The following SETDB1 variants were observed in gnomAD, a reference collection of about 807,000 sequenced individuals.
The protein encoded by SETDB1 is histone-lysine N-methyltransferase SETDB1.
SETDB1 carries 31 observed loss-of-function variants against 137.4 expected under a neutral mutation model. The ratio of observed to expected loss-of-function variants is 0.23; its 90% CI spans 0.17 to 0.30. The LOEUF is 0.30. SETDB1 is among the 10% of genes least tolerant of loss of function. The pLI, the probability that SETDB1 is intolerant of heterozygous loss-of-function variation, is 1.00. For missense variants in SETDB1, 1,113 were observed against 1,631.5 expected (o/e 0.68, Z 5.47); for synonymous variants, 548 against 579.9 (o/e 0.95, Z 0.79).
At chr1:150,952,493 C>T (rs1670519117) in intron 14 of SETDB1, among the ~76,000 whole-genome samples, 1 of 152,122 alleles carries the variant, frequency 6.6e-6, no homozygotes, top group Non-Finnish European at 1.5e-5. Context: ...TTGGCTTGAG[C>T]ATCTTAGTGG....
At chr1:150,930,870 A>G (rs1256328769) in intron 3 of SETDB1, among the ~76,000 whole-genome samples, 1 of 152,088 alleles carries the variant, frequency 6.6e-6, no homozygotes, top group Non-Finnish European at 1.5e-5. Context: ...AATTCATGCA[A>G]GTAAAGTCTG....
intron 3 of SETDB1, among the ~76,000 whole-genome samples, chr1:150,931,261 CA>C (rs767694682): frequency 2.0e-3 from 138 of 67,512 alleles, no homozygotes; most frequent in Middle Eastern, 0.014. Context: ...CTCTTGTCTT[CA>C]AAAAAAAAAA....
intron 10 of SETDB1, among the ~76,000 whole-genome samples, chr1:150,947,782 A>G (rs1005854808): frequency 6.6e-6 from 1 of 152,158 alleles, no homozygotes; most frequent in African/African-American, 2.4e-5. Context: ...CTCAGAAACA[A>G]ACAAAAAACA....
At position 150,950,836 on chromosome 1, in the gene SETDB1, C is replaced by T; in HGVS notation, c.1962C>T (p.Leu654=). The T allele has an allele frequency of 1.9e-6, 3 of 1,614,198 alleles. No homozygotes were observed. The highest frequency in any genetic ancestry group is 2.5e-6 in the Non-Finnish European group (3 of 1,180,034). The change falls in exon 13 of 22, where the codon CTC becomes CTT. Residue 654 remains leucine (L), a synonymous_variant. Transcript: ENST00000692827. ...TTTTCGAGACTGGCTGTGACTTCCT[C>T]TTCCTGGAGATGTTCTGTTTGGATC... The part of the protein sequence containing the change: ...RYLFETGCDF[L]FLEMFCLDPY...
rs1669578640 is a variant in SETDB1, at chr1:150,927,743, T to G, written c.29T>G (p.Leu10Trp). Residue 10 changes from leucine to tryptophan, a missense_variant, in exon 2 of 22, where the codon TTG becomes TGG. By Grantham distance (61) the Leu-to-Trp change is moderately conservative. This residue lies in a region of SETDB1 where 32 missense variants were observed against 26.3 expected (regional missense o/e 1.22). Coordinates refer to ENST00000692827, the MANE Select transcript of SETDB1 (RefSeq NM_001366418.1). ...TCTTCCCTTCCTGGGTGCATTGGTT[T>G]GGATGCAGCAACAGCTACAGTGGAG... Reference protein sequence around the residue: MSSLPGCIGLDAATATVESE... With the variant: MSSLPGCIGWDAATATVESE... 6.2e-7 allele frequency: 1 copy of G among 1,614,042 alleles called. No individual in the cohort carries two copies. Among genetic ancestry groups the G allele is most frequent in the Non-Finnish European group, 8.5e-7 (1 of 1,180,000 alleles).
At chr1:150,962,102 A>G (rs376187907) in intron 16 of SETDB1, 28 bp from the exon 17 acceptor site, 22 of 1,613,858 alleles carry the variant, frequency 1.4e-5, no homozygotes, top group Admixed American at 8.3e-5. Flanking sequence ...CTGTGAAAGC[A>G]TTTAACCCTT....
At chr1:150,964,140 G>C (rs757766985) in intron 21 of SETDB1, 57 bp downstream of exon 21, 43 of 1,544,758 alleles carry the variant, frequency 2.8e-5, no homozygotes, top group Middle Eastern at 1.7e-4. Context: ...GAAGTTCTAA[G>C]GGCCCCTCCT....
Position 150,964,424 on chromosome 1 carries a change from T to C in SETDB1, c.*60T>C. The C allele has an allele frequency of 7.9e-7, 1 of 1,271,216 alleles. No individual in the cohort carries two copies. Among genetic ancestry groups the C allele is most frequent in the Non-Finnish European group, 1.1e-6 (1 of 879,344 alleles). The allele number at this position is 1,271,216 out of a possible 1,614,324, so 78.7% of individuals were successfully genotyped here. On this transcript the variant is annotated 3_prime_UTR_variant, in exon 22 of 22. Coordinates refer to ENST00000692827, the MANE Select transcript of SETDB1 (RefSeq NM_001366418.1). ...CGTTTCCTCAGGAACTGGGTCTTCC[T>C]GATTGTTGAACCCTGACCCGAAGTC...
rs181552373 is a variant in SETDB1 at position 150,935,116 on chromosome 1, C to T, written c.413-4824C>T. Among the ~76,000 whole-genome samples, 32 of 152,320 alleles carry T rather than the reference C, an allele frequency of 2.1e-4. 1 individual carries two copies. Among genetic ancestry groups the T allele is most frequent in the African/African-American group, 7.2e-4 (30 of 41,562 alleles). On this transcript the variant is annotated intron_variant, in intron 3 of 21. Coordinates refer to ENST00000692827, the MANE Select transcript of SETDB1 (RefSeq NM_001366418.1). The stretch of plus-strand genomic sequence containing the variant: ...GATTACAGGCGTGAGCCACTGTGCC[C>T]GGCCCTACCTGGGATATAGAATTCT...
At chr1:150,929,056 G>A (rs987009280) in intron 2 of SETDB1, among the ~76,000 whole-genome samples, 7 of 152,138 alleles carry the variant, frequency 4.6e-5, no homozygotes, top group Non-Finnish European at 7.3e-5. Context: ...ATAAACATAC[G>A]TGTGCATGTG....
rs1670473301 is a variant in SETDB1, at chr1:150,950,839, C to T, written c.1965C>T (p.Phe655=). 6.2e-7 allele frequency: 1 copy of T among 1,614,154 alleles called. No individual in the cohort carries two copies. Among genetic ancestry groups the T allele is most frequent in the African/African-American group, 1.3e-5 (1 of 75,026 alleles). Residue 655 remains phenylalanine, a synonymous_variant, in exon 13 of 22, where the codon TTC becomes TTT. Transcript: ENST00000692827. ...YLFETGCDFL[F]LEMFCLDPYV... ...TCGAGACTGGCTGTGACTTCCTCTT[C>T]CTGGAGATGTTCTGTTTGGATCCAT...
chr1:150,952,164 AAAGTT>A (rs762098750), intron 14 of SETDB1, among the ~76,000 whole-genome samples: 11 of 151,166 alleles, frequency 7.3e-5, no homozygotes, highest in Non-Finnish European at 1.6e-4. Context: ...AAAAAAAAGA[AAAGTT>A]AGAATCAAAT....
rs767113240 is a variant in SETDB1 at position 150,942,512 on chromosome 1, T to G, written c.548-51T>G. The stretch of plus-strand genomic sequence containing the variant: ...TACTACCCTCTTTACCTTCCCGTTC[T>G]CTACCGAATCTATGTCATAACTCTT... On this transcript the variant is annotated intron_variant, in intron 5 of 21. Coordinates refer to ENST00000692827, the MANE Select transcript of SETDB1 (RefSeq NM_001366418.1). 5 of 1,540,550 alleles carry G rather than the reference T, an allele frequency of 3.2e-6. No individual in the cohort carries two copies. The South Asian group carries it at 6.0e-5, about 19-fold the overall frequency.
intron 3 of SETDB1, among the ~76,000 whole-genome samples, chr1:150,939,600 C>A (rs1011981448): frequency 2.0e-5 from 3 of 152,124 alleles, no homozygotes; most frequent in African/African-American, 7.2e-5. Context: ...GCTGGGATTA[C>A]AGGCATGAGC....
At position 150,962,598 on chromosome 1, in the gene SETDB1, G is replaced by A. The variant is rs758328263; in HGVS notation, c.3173G>A (p.Ser1058Asn). Residue 1058 changes from serine (S) to asparagine (N), a missense_variant, in exon 18 of 22, where the codon AGC becomes AAC. Coordinates refer to ENST00000692827, the MANE Select transcript of SETDB1 (RefSeq NM_001366418.1). ...DRNKMSVVTE[S>N]SRNYGYNPSP... ...TCCCCTCCCATTAGAGTTACTGAAA[G>A]CTCTCGAAATTACGGTTACAATCCT... 3 of 1,614,064 alleles carry A rather than the reference G, an allele frequency of 1.9e-6. No individual in the cohort carries two copies. Among genetic ancestry groups the A allele is most frequent in the East Asian group, 2.2e-5 (1 of 44,890 alleles).
intron 10 of SETDB1, among the ~76,000 whole-genome samples, chr1:150,948,720 C>T (rs1175835170): frequency 6.6e-6 from 1 of 151,712 alleles, no homozygotes; most frequent in African/African-American, 2.4e-5. Context: ...CAAAATGTGT[C>T]CATTGCTGCT....
In SETDB1 at chr1:150,950,555, G is replaced by A; in HGVS notation, c.1681G>A (p.Ala561Thr). The A allele has an allele frequency of 6.2e-7, 1 of 1,614,156 alleles. No individual in the cohort carries two copies. Among genetic ancestry groups the A allele is most frequent in the Non-Finnish European group, 8.5e-7 (1 of 1,180,016 alleles). ...CCATGGCATGCTGGAGCGGGCCCCAGCAGAGCCCTCCTACCGTGCTCCCAT... is the reference window on the plus strand; with the variant it reads ...CCATGGCATGCTGGAGCGGGCCCCAACAGAGCCCTCCTACCGTGCTCCCAT... ...VFHGMLERAP[A>T]EPSYRAPMEK... Residue 561 changes from alanine (A) to threonine (T), a missense_variant, in exon 13 of 22, where the codon GCA becomes ACA. Ala to Thr is a moderately conservative substitution (Grantham distance 58). This residue lies in a region of SETDB1 where 192 missense variants were observed against 198.1 expected (regional missense o/e 0.97). Transcript: ENST00000692827.
At chr1:150,956,763 A>G (rs1023002155) in intron 14 of SETDB1, among the ~76,000 whole-genome samples, 49 of 146,324 alleles carry the variant, frequency 3.3e-4, no homozygotes, top group Admixed American at 3.1e-3. Flanking sequence ...TTTTTTTGCT[A>G]TGGAGTCTTG....
At chr1:150,933,706 C>T (rs1442851738) in intron 3 of SETDB1, among the ~76,000 whole-genome samples, 1 of 151,204 alleles carries the variant, frequency 6.6e-6, no homozygotes, top group Non-Finnish European at 1.5e-5. Flanking sequence ...TTCTTAAAGT[C>T]AAACAAACAT....
Sources: allele counts gnomAD v4.1 joint callset (sites outside exome capture counted in the v4.1 genomes callset), GRCh38; gene constraint gnomAD v4.1.1; regional missense constraint gnomAD v4.1.1; transcripts MANE v1.5; gene names NCBI Gene and HGNC (gene_info 2026-07-23, HGNC 2026-07-21).